The following CTBP2 variants were observed in gnomAD, a reference collection of about 807,000 sequenced individuals.
CTBP2 encodes C-terminal-binding protein 2.
CTBP2 carries 30 observed loss-of-function variants against 80.3 expected under a neutral mutation model. That is an observed-to-expected ratio of 0.37 (90% CI 0.28 to 0.51). CTBP2 has a LOEUF of 0.51. CTBP2 is among the 20% of genes least tolerant of loss of function. The probability of loss-of-function intolerance (pLI) is 0.93; values close to 1 mark genes in which losing one functional copy is unlikely to be tolerated. For synonymous variants in CTBP2, 594 were observed against 587.4 expected, an observed-to-expected ratio of 1.01 and a Z score of -0.16; for missense variants, 1,212 against 1,375.3, an observed-to-expected ratio of 0.88 and a Z score of 1.88.
chr10:125,090,258 A>C (rs927915400), intron 2 of CTBP2, among the ~76,000 whole-genome samples: 1 of 140,502 alleles, frequency 7.1e-6, no homozygotes, highest in African/African-American at 2.8e-5. Context: ...ACTGTACTAC[A>C]GTCTGGGCGA....
intron 2 of CTBP2, among the ~76,000 whole-genome samples, chr10:125,098,048 G>C (rs1443171829): frequency 1.3e-5 from 2 of 152,162 alleles, no homozygotes; most frequent in East Asian, 1.9e-4. Flanking sequence ...TTGAACCCAG[G>C]AGGCGGAGAT....
rs117988261 is a variant in CTBP2, at chr10:125,097,484, G to A, written c.-102+13506C>T. 2.0e-4 allele frequency among the ~76,000 whole-genome samples: 30 copies of A among 152,248 alleles called. 1 individual carries two copies. In the East Asian group the frequency reaches 5.2e-3, roughly 27 times the overall value. ...CTCTACCGTGGAGAAGTCACAAGCC[G>A]CACTCCTCAAAGCCAACCCAAGGAA... On this transcript the variant is annotated intron_variant, in intron 2 of 10. Coordinates refer to the CTBP2 transcript ENST00000337195.
At chr10:125,095,198 A>C (rs535031016) in intron 2 of CTBP2, among the ~76,000 whole-genome samples, 4 of 152,182 alleles carry the variant, frequency 2.6e-5, no homozygotes, top group African/African-American at 9.7e-5. Context: ...CACACCTAGC[A>C]AACAGATCTT....
chr10:125,003,176 C>G, intron 2 of CTBP2, 72 bp from the exon 5 acceptor site: 2 of 1,603,450 alleles, frequency 1.2e-6, no homozygotes, highest in Non-Finnish European at 1.7e-6. Context: ...GCCTGGCCCC[C>G]TGGCCCTATC....
At chr10:125,051,155 A>C (rs2135196224) in intron 2 of CTBP2, among the ~76,000 whole-genome samples, 1 of 152,336 alleles carries the variant, frequency 6.6e-6, no homozygotes, top group East Asian at 1.9e-4. Flanking sequence ...ATGGGAAAAA[A>C]GGTCCGAGGA....
chr10:125,005,764 G>A, intron 1 of CTBP2: 1 of 1,612,908 alleles, frequency 6.2e-7, no homozygotes, highest in East Asian at 2.2e-5. Context: ...CCCTACTTGA[G>A]GTCTGAGCGC....
intron 2 of CTBP2, among the ~76,000 whole-genome samples, chr10:125,072,210 G>T (rs1039472394): frequency 2.0e-5 from 3 of 152,192 alleles, no homozygotes; most frequent in Non-Finnish European, 4.4e-5. Context: ...TACTCGGGAG[G>T]CTGTGGTTGC....
chr10:124,993,370 G>A (rs769550079), intron 6 of CTBP2, 41 bp from the exon 9 acceptor site: 97 of 1,585,600 alleles, frequency 6.1e-5, no homozygotes, highest in Admixed American at 8.4e-5. Context: ...GGGAAATGTC[G>A]CATACGCTCC....
rs572401759 is a variant in CTBP2, at chr10:125,104,424, G to T, written c.-102+6566C>A. 7.9e-5 allele frequency among the ~76,000 whole-genome samples: 12 copies of T among 152,232 alleles called. No homozygotes were observed. In the South Asian group the frequency reaches 2.5e-3, roughly 32 times the overall value. On this transcript the variant is annotated intron_variant, in intron 2 of 10. Coordinates refer to the CTBP2 transcript ENST00000337195. ...TTCTGCAACTTCCCCACAGGTTGTT[G>T]CTGTTTCTTTTAAACAGTATACTGC...
intron 1 of CTBP2, among the ~76,000 whole-genome samples, chr10:125,129,633 T>G (rs1395092623): frequency 6.6e-6 from 1 of 152,064 alleles, no homozygotes; most frequent in African/African-American, 2.4e-5. Flanking sequence ...CCGGTTTTCC[T>G]AACAAGAGAC....
intron 2 of CTBP2, among the ~76,000 whole-genome samples, chr10:125,061,062 C>T (rs150965011): frequency 9.2e-5 from 14 of 152,210 alleles, no homozygotes; most frequent in Non-Finnish European, 5.9e-5. Context: ...AGGATTCCTG[C>T]GGTGGCAAAC....
chr10:125,061,622 G>A (rs1246197508), intron 2 of CTBP2, among the ~76,000 whole-genome samples: 1 of 152,192 alleles, frequency 6.6e-6, no homozygotes, highest in Non-Finnish European at 1.5e-5. Flanking sequence ...AGCGTCTACG[G>A]CAGCAAAGCC....
At chr10:125,130,487 A>G (rs967103827) in intron 1 of CTBP2, among the ~76,000 whole-genome samples, 1 of 152,180 alleles carries the variant, frequency 6.6e-6, no homozygotes, top group Admixed American at 6.5e-5. Context: ...ACTTGGACGC[A>G]GCTGCTGTTA....
At position 125,085,753 on chromosome 10, in the gene CTBP2, A is replaced by G. The variant is rs1847877918; in HGVS notation, c.-102+25237T>C. Among the ~76,000 whole-genome samples, 5 of 152,332 alleles carry G rather than the reference A, an allele frequency of 3.3e-5. No individual in the cohort carries two copies. In the South Asian group the frequency reaches 1.0e-3, roughly 32 times the overall value. On this transcript the variant is annotated intron_variant, in intron 2 of 10. Coordinates refer to the CTBP2 transcript ENST00000337195. ...AATCTCAATGCACAGCTCTGCTACT[A>G]TATGAGTTCACTCAAATGATCCCCT... is the stretch of plus-strand genomic sequence containing the variant.
chr10:125,002,832 C>T (rs1954712471), intron 3 of CTBP2, 128 bp downstream of exon 5: 2 of 1,184,140 alleles, frequency 1.7e-6, no homozygotes, highest in East Asian at 5.1e-5. Flanking sequence ...GGCCTGGAGG[C>T]AGCCACCTTG....
At chr10:125,034,599 CTATT>C (rs1488645465) in intron 3 of CTBP2, among the ~76,000 whole-genome samples, 7 of 152,224 alleles carry the variant, frequency 4.6e-5, no homozygotes, top group South Asian at 2.1e-4. Flanking sequence ...CATTTTGGGG[CTATT>C]TAAAGTTATT....
chr10:125,105,283 G>A (rs903418738), intron 2 of CTBP2, among the ~76,000 whole-genome samples: 1 of 152,110 alleles, frequency 6.6e-6, no homozygotes, highest in African/African-American at 2.4e-5. Context: ...GGAACCTGAG[G>A]ACCACAGATA....
chr10:125,057,119 A>G (rs1405322046), intron 2 of CTBP2, among the ~76,000 whole-genome samples: 1 of 152,244 alleles, frequency 6.6e-6, no homozygotes, highest in African/African-American at 2.4e-5. Flanking sequence ...AGGCAGTGCA[A>G]TCTTATTCCC....
chr10:124,989,513 C>T lies in CTBP2; in HGVS notation c.*5G>A. ...ATCTGAGTGATTACCTTCTGGCATT[C>T]TCTGCTATTGCTCGTTGGGGTGCTC... On this transcript the variant is annotated 3_prime_UTR_variant, in exon 9 of 9. Coordinates refer to ENST00000309035, the MANE Select transcript of CTBP2 (RefSeq NM_022802.3). The T allele has an allele frequency of 2.5e-6, 4 of 1,612,260 alleles. No individual in the cohort carries two copies. The highest frequency in any genetic ancestry group is 3.4e-6 in the Non-Finnish European group (4 of 1,179,750).
Sources: gnomAD v4.1 joint callset for allele counts (sites outside exome capture counted in the v4.1 genomes callset) on GRCh38, gnomAD v4.1.1 for gene constraint, MANE v1.5 for transcripts, NCBI Gene and HGNC (gene_info 2026-07-23, HGNC 2026-07-21) for gene names.